EYS: variants seen among roughly 807,000 people sequenced by gnomAD.
EYS encodes protein eyes shut homolog.
A neutral mutation model predicts 282.1 loss-of-function variants in EYS; 250 were observed. The observed-to-expected ratio is 0.89, with a 90% confidence interval of 0.80 to 0.98. The LOEUF (loss-of-function observed/expected upper bound fraction) is 0.98, where lower values mean the gene tolerates loss of function less well. EYS is among the 50% of genes least tolerant of loss of function. The probability of loss-of-function intolerance (pLI) is 0.00; values close to 1 mark genes in which losing one functional copy is unlikely to be tolerated. For synonymous variants in EYS, 1,355 were observed against 1,282.9 expected, an observed-to-expected ratio of 1.06 and a Z score of -1.20; for missense variants, 4,016 against 3,709.0, an observed-to-expected ratio of 1.08 and a Z score of -2.15.
intron 14 of EYS, among the ~76,000 whole-genome samples, chr6:64,989,260 AC>A (rs1314800689): frequency 6.7e-6 from 1 of 150,186 alleles, no homozygotes; most frequent in African/African-American, 2.4e-5. Context: ...CTATAAGCAG[AC>A]TTTTGGTTTT....
chr6:65,140,496 G>A (rs969322304), intron 12 of EYS, among the ~76,000 whole-genome samples: 4 of 151,836 alleles, frequency 2.6e-5, no homozygotes, highest in East Asian at 1.9e-4. Flanking sequence ...GGCAGAAAAT[G>A]TAATTAAACT....
At chr6:65,125,180 A>C (rs1775683357) in intron 12 of EYS, among the ~76,000 whole-genome samples, 1 of 152,216 alleles carries the variant, frequency 6.6e-6, no homozygotes, top group Non-Finnish European at 1.5e-5. Flanking sequence ...ACTGTTAAAC[A>C]CACTGTTGTT....
intron 31 of EYS, among the ~76,000 whole-genome samples, chr6:64,147,415 G>T (rs1774555815): frequency 6.6e-6 from 1 of 152,124 alleles, no homozygotes; most frequent in African/African-American, 2.4e-5. Context: ...CTGAATAATA[G>T]ATGACTTAGA....
intron 13 of EYS, among the ~76,000 whole-genome samples, chr6:65,033,321 T>C (rs1772661290): frequency 6.6e-6 from 1 of 152,208 alleles, no homozygotes; most frequent in African/African-American, 2.4e-5. Context: ...GTAATCACTT[T>C]CTAGAGATGT....
intron 40 of EYS, among the ~76,000 whole-genome samples, chr6:63,763,870 T>TTTTA (rs1185179091): frequency 1.1e-4 from 14 of 129,664 alleles, no homozygotes; most frequent in Non-Finnish European, 2.0e-4. Context: ...TTATATCTTG[T>TTTTA]TATATATATA....
chr6:65,614,375 C>T (rs531254587), intron 2 of EYS, among the ~76,000 whole-genome samples: 3 of 151,962 alleles, frequency 2.0e-5, no homozygotes, highest in Non-Finnish European at 4.4e-5. Context: ...ATTTAATGTC[C>T]GTATATTTGG....
At chr6:65,671,396 A>G (rs558306808) in intron 1 of EYS, among the ~76,000 whole-genome samples, 1 of 152,268 alleles carries the variant, frequency 6.6e-6, no homozygotes, top group East Asian at 1.9e-4. Context: ...GTTGACTAAC[A>G]CTTGTGTTCT....
At chr6:64,130,248 C>A (rs1052239776) in intron 31 of EYS, among the ~76,000 whole-genome samples, 4 of 152,106 alleles carry the variant, frequency 2.6e-5, no homozygotes, top group African/African-American at 9.7e-5. Flanking sequence ...CAACAACGAT[C>A]GACTGGATTA....
rs70999201 is a variant in EYS at position 65,374,502 on chromosome 6, GTT to G, written c.1299+9882_1299+9883del. Among the ~76,000 whole-genome samples the G allele has an allele frequency of 2.8e-5, 4 of 144,606 alleles. No homozygotes were observed. The East Asian group carries it at 8.2e-4, about 30-fold the overall frequency. The allele number at this position is 144,606 out of a possible 152,430, so 94.9% of individuals were successfully genotyped here. On this transcript the variant is annotated intron_variant, in intron 8 of 42. Coordinates refer to ENST00000503581, the MANE Select transcript of EYS (RefSeq NM_001142800.2). ...GGGCAGACACTGAGCTACCTGCGGA[GTT>G]TTTTTTTTTTTCGTACCCCACTGAT... is the stretch of plus-strand genomic sequence containing the variant.
At chr6:63,895,546 T>C (rs1271034315) in intron 35 of EYS, among the ~76,000 whole-genome samples, 1 of 152,236 alleles carries the variant, frequency 6.6e-6, no homozygotes, top group African/African-American at 2.4e-5. Context: ...ATTTGTGTAC[T>C]CTGTGGATAA....
intron 12 of EYS, among the ~76,000 whole-genome samples, chr6:65,157,252 A>G (rs1764749873): frequency 6.6e-6 from 1 of 151,026 alleles, no homozygotes; most frequent in African/African-American, 2.4e-5. Context: ...TATTAAAATA[A>G]TTATAACAAC....
chr6:64,269,788 A>G (rs1767878713), intron 30 of EYS, among the ~76,000 whole-genome samples: 1 of 151,906 alleles, frequency 6.6e-6, no homozygotes, highest in South Asian at 2.1e-4. Context: ...GGTCTCTGTG[A>G]TATTTTTATA....
At chr6:63,877,064 T>C (rs926737080) in intron 35 of EYS, among the ~76,000 whole-genome samples, 1 of 152,206 alleles carries the variant, frequency 6.6e-6, no homozygotes, top group East Asian at 1.9e-4. Context: ...TTCCTAGCCT[T>C]GATGGTCTTT....
At chr6:64,396,509 T>C (rs529887263) in intron 28 of EYS, among the ~76,000 whole-genome samples, 1 of 152,282 alleles carries the variant, frequency 6.6e-6, no homozygotes, top group African/African-American at 2.4e-5. Context: ...ATTAGTATTT[T>C]GTTGTTGTTC....
At chr6:65,093,830 G>C (rs575465563) in intron 12 of EYS, among the ~76,000 whole-genome samples, 1 of 151,712 alleles carries the variant, frequency 6.6e-6, no homozygotes, top group South Asian at 2.1e-4. Flanking sequence ...GAAATACATA[G>C]AGTGCCTGAA....
At chr6:65,342,150 G>A in intron 10 of EYS, among the ~76,000 whole-genome samples, 1 of 151,086 alleles carries the variant, frequency 6.6e-6, no homozygotes, top group South Asian at 2.1e-4. Context: ...TAGTACATAT[G>A]TATTTATTTA....
At position 64,091,798 on chromosome 6, in the gene EYS, C is replaced by T. The variant is rs534842509; in HGVS notation, c.6425-9796G>A. ...TAAGTTTTAGGGTACATGTGCAAAACGTGCAGGTTTGTTACATATGTATAC... is the reference window on the plus strand; with the variant it reads ...TAAGTTTTAGGGTACATGTGCAAAATGTGCAGGTTTGTTACATATGTATAC... On this transcript the variant is annotated intron_variant, in intron 31 of 42. Coordinates refer to ENST00000503581, the MANE Select transcript of EYS (RefSeq NM_001142800.2). Among the ~76,000 whole-genome samples the T allele has an allele frequency of 3.2e-4, 49 of 152,056 alleles. No homozygotes were observed. In the South Asian group the frequency reaches 5.2e-3, roughly 16 times the overall value.
At position 64,420,024 on chromosome 6, in the gene EYS, T is replaced by C. The variant is rs1197250170; in HGVS notation, c.5927+16150A>G. Among the ~76,000 whole-genome samples the C allele has an allele frequency of 3.3e-5, 5 of 151,830 alleles. No homozygotes were observed. In the Admixed American group the frequency reaches 3.3e-4, roughly 10 times the overall value. On this transcript the variant is annotated intron_variant, in intron 28 of 42. Transcript: ENST00000503581. ...TGAGGGCTCTGCCCCTGAAGCAAAC[T>C]TCTGCCTAGACATCCAGGCATTTCC... is the stretch of plus-strand genomic sequence containing the variant.
chr6:64,446,805 T>C (rs1775131915), intron 26 of EYS, among the ~76,000 whole-genome samples: 1 of 152,078 alleles, frequency 6.6e-6, no homozygotes, highest in African/African-American at 2.4e-5. Context: ...ATTACCAATA[T>C]AGTATAATCC....
Sources: gnomAD v4.1 joint callset for allele counts (sites outside exome capture counted in the v4.1 genomes callset) on GRCh38, gnomAD v4.1.1 for gene constraint, MANE v1.5 for transcripts, NCBI Gene and HGNC (gene_info 2026-07-23, HGNC 2026-07-21) for gene names.